The following ADGRL3 variants were observed in gnomAD, a reference collection of about 807,000 sequenced individuals.
ADGRL3 encodes the protein adhesion G protein-coupled receptor L3.
A neutral mutation model predicts 153.5 loss-of-function variants in ADGRL3; 62 were observed. The ratio of observed to expected loss-of-function variants is 0.40; its 90% CI spans 0.33 to 0.50. ADGRL3 has a LOEUF of 0.50. ADGRL3 is among the 20% of genes least tolerant of loss of function. The probability of loss-of-function intolerance (pLI) is 0.47; values close to 1 mark genes in which losing one functional copy is unlikely to be tolerated. For synonymous variants in ADGRL3, 710 were observed against 672.5 expected (o/e 1.06, Z -0.86); for missense variants, 1,641 against 1,859.4 (o/e 0.88, Z 2.16).
chr4:61,476,098 C>A (rs1031000140), intron 2 of ADGRL3, among the ~76,000 whole-genome samples: 3 of 152,276 alleles, frequency 2.0e-5, no homozygotes, highest in East Asian at 1.9e-4. Flanking sequence ...TGCACAACAG[C>A]CATAGTACTC....
intron 3 of ADGRL3, among the ~76,000 whole-genome samples, chr4:61,499,939 G>T (rs2098365408): frequency 6.7e-6 from 1 of 150,196 alleles, no homozygotes; most frequent in African/African-American, 2.5e-5. Flanking sequence ...ATGGGTCTTG[G>T]GTCTTGGTTT....
chr4:61,706,399 G>A (rs2095858337), intron 6 of ADGRL3, among the ~76,000 whole-genome samples: 1 of 148,248 alleles, frequency 6.7e-6, no homozygotes, highest in Admixed American at 6.8e-5. Flanking sequence ...TCTGGGCTGG[G>A]TGGGTGACAG....
intron 15 of ADGRL3, among the ~76,000 whole-genome samples, chr4:61,946,009 T>C (rs2098921629): frequency 6.6e-6 from 1 of 152,210 alleles, no homozygotes; most frequent in Non-Finnish European, 1.5e-5. Flanking sequence ...TATTCTCCTA[T>C]AAATAATAAT....
intron 9 of ADGRL3, among the ~76,000 whole-genome samples, chr4:61,887,578 G>A (rs1001237182): frequency 4.6e-5 from 7 of 152,122 alleles, no homozygotes; most frequent in Admixed American, 2.0e-4. Flanking sequence ...CAGGTGTGGT[G>A]GCCCACACCT....
At chr4:61,870,465 A>G (rs2098437161) in intron 9 of ADGRL3, among the ~76,000 whole-genome samples, 1 of 152,220 alleles carries the variant, frequency 6.6e-6, no homozygotes, top group Non-Finnish European at 1.5e-5. Context: ...GGACTCCATC[A>G]AAATGAAAAA....
chr4:61,267,818 T>A (rs1327017777), intron 1 of ADGRL3, among the ~76,000 whole-genome samples: 1 of 107,500 alleles, frequency 9.3e-6, no homozygotes, highest in Non-Finnish European at 1.9e-5. Context: ...GTATGGAGAG[T>A]TTTAGTTGAC....
At chr4:61,540,334 A>G (rs1352735765) in intron 4 of ADGRL3, among the ~76,000 whole-genome samples, 2 of 152,168 alleles carry the variant, frequency 1.3e-5, no homozygotes, top group Non-Finnish European at 2.9e-5. Context: ...AGCTCACTTG[A>G]GGTCAGGAGT....
intron 1 of ADGRL3, among the ~76,000 whole-genome samples, chr4:61,273,783 G>C (rs1323221602): frequency 2.0e-5 from 3 of 152,076 alleles, no homozygotes; most frequent in Non-Finnish European, 4.4e-5. Context: ...GCACCCCGTG[G>C]AATTGGTGGT....
intron 1 of ADGRL3, among the ~76,000 whole-genome samples, chr4:61,225,459 A>G (rs1747517290): frequency 1.3e-5 from 2 of 152,022 alleles, no homozygotes; most frequent in African/African-American, 2.4e-5. Flanking sequence ...TAGGGGCATT[A>G]TTTTTCCTGC....
chr4:61,302,857 A>G (rs1009454315), intron 1 of ADGRL3, among the ~76,000 whole-genome samples: 3 of 152,140 alleles, frequency 2.0e-5, no homozygotes, highest in Non-Finnish European at 1.5e-5. Flanking sequence ...GAAACATTTC[A>G]GTTGTATTGT....
rs572239521 is a variant in ADGRL3, at chr4:61,759,492, T to C, written c.1399+25938T>C. Among the ~76,000 whole-genome samples, 9 of 152,358 alleles carry C rather than the reference T, an allele frequency of 5.9e-5. No homozygotes were observed. The South Asian group carries it at 1.9e-3, about 32-fold the overall frequency. ...CTACGAGGCTTGTGCATTCGTCACA[T>C]AGTTTTTGTGCCTTGGTTTTCAGCT... On this transcript the variant is annotated intron_variant, in intron 8 of 26. Transcript: ENST00000683033.
chr4:61,487,015 A>G (rs1281959571), intron 2 of ADGRL3, among the ~76,000 whole-genome samples: 2 of 152,208 alleles, frequency 1.3e-5, no homozygotes, highest in African/African-American at 4.8e-5. Context: ...CTTGCAGGCT[A>G]AAGTTTGTTT....
chr4:61,851,157 T>C (rs565195693), intron 9 of ADGRL3, among the ~76,000 whole-genome samples: 2 of 152,208 alleles, frequency 1.3e-5, no homozygotes, highest in Non-Finnish European at 2.9e-5. Context: ...TGTTTCTTTT[T>C]AAATATACTG....
At chr4:61,845,837 A>C (rs972883617) in intron 9 of ADGRL3, among the ~76,000 whole-genome samples, 1 of 152,254 alleles carries the variant, frequency 6.6e-6, no homozygotes, top group East Asian at 1.9e-4. Context: ...ATACACTTAA[A>C]ATTGGACAAT....
At chr4:61,814,894 C>T (rs537256867) in intron 9 of ADGRL3, among the ~76,000 whole-genome samples, 3 of 152,030 alleles carry the variant, frequency 2.0e-5, no homozygotes, top group African/African-American at 7.2e-5. Flanking sequence ...ACCTAAGACA[C>T]TGGATTTTAT....
chr4:61,421,787 C>T (rs2097210449), intron 2 of ADGRL3, among the ~76,000 whole-genome samples: 1 of 152,068 alleles, frequency 6.6e-6, no homozygotes, highest in South Asian at 2.1e-4. Context: ...TCTATGGATA[C>T]AATTGATGCC....
chr4:61,885,397 T>C (rs1181272477), intron 9 of ADGRL3, among the ~76,000 whole-genome samples: 1 of 152,168 alleles, frequency 6.6e-6, no homozygotes, highest in Admixed American at 6.5e-5. Flanking sequence ...TGTTCCATTG[T>C]TCTACTTATG....
chr4:62,009,219 A>G (rs908925957), intron 21 of ADGRL3, among the ~76,000 whole-genome samples: 1 of 152,204 alleles, frequency 6.6e-6, no homozygotes, highest in Non-Finnish European at 1.5e-5. Context: ...TGTCAAACAC[A>G]TTTAGTAGCT....
intron 1 of ADGRL3, among the ~76,000 whole-genome samples, chr4:61,243,433 T>C (rs1755768333): frequency 1.3e-5 from 2 of 152,078 alleles, no homozygotes; most frequent in South Asian, 2.1e-4. Flanking sequence ...ACACATGAGG[T>C]CCCACCCAAT....
Sources: gnomAD v4.1 joint callset for allele counts (sites outside exome capture counted in the v4.1 genomes callset) on GRCh38, gnomAD v4.1.1 for gene constraint, MANE v1.5 for transcripts, NCBI Gene and HGNC (gene_info 2026-07-23, HGNC 2026-07-21) for gene names.